SDCBP: variants seen among roughly 807,000 people sequenced by gnomAD.
SDCBP encodes the protein syntenin-1.
In SDCBP, 22 loss-of-function variants were observed where a neutral mutation model predicts 30.5. That is an observed-to-expected ratio of 0.72 (90% confidence interval 0.52 to 1.03). SDCBP has a LOEUF of 1.03. SDCBP is among the 50% of genes least tolerant of loss of function. The pLI is 0.00. For missense variants in SDCBP, 304 were observed against 369.9 expected (o/e 0.82, Z 1.46); for synonymous variants, 103 against 118.7 (o/e 0.87, Z 0.86).
intron 1 of SDCBP, among the ~76,000 whole-genome samples, chr8:58,557,200 TTAA>T (rs1240987603): frequency 3.9e-5 from 5 of 127,138 alleles, no homozygotes; most frequent in Non-Finnish European, 6.2e-5. Context: ...TTATTATATA[TTAA>T]TATTATATTA....
intron 3 of SDCBP, 135 bp from the exon 4 acceptor site, chr8:58,572,070 A>C: frequency 1.7e-6 from 1 of 588,602 alleles, no homozygotes; most frequent in Non-Finnish European, 3.0e-6. Context: ...ATGCCTTTCC[A>C]AATTGCTACT....
intron 1 of SDCBP, among the ~76,000 whole-genome samples, chr8:58,554,351 T>G (rs1287483459): frequency 6.6e-6 from 1 of 152,250 alleles, no homozygotes; most frequent in East Asian, 1.9e-4. Flanking sequence ...TTCAGTCTTT[T>G]TATTTTCCTG....
intron 5 of SDCBP, among the ~76,000 whole-genome samples, chr8:58,576,981 T>C (rs1805374271): frequency 6.6e-6 from 1 of 152,218 alleles, no homozygotes; most frequent in South Asian, 2.1e-4. Context: ...AAAATACATC[T>C]GCGTGCTTAG....
chr8:58,580,375 C>G (rs949770510), intron 7 of SDCBP, 142 bp from the exon 8 acceptor site: 1 of 582,694 alleles, frequency 1.7e-6, no homozygotes, highest in Non-Finnish European at 3.0e-6. Context: ...AAATAGTGTA[C>G]AATTAAACTT....
rs749378649 is a variant in SDCBP, at chr8:58,579,666, C to T, written c.622C>T (p.His208Tyr). The T allele has an allele frequency of 3.1e-6, 5 of 1,610,918 alleles. No individual in the cohort carries two copies. Among genetic ancestry groups the T allele is most frequent in the Non-Finnish European group, 4.2e-6 (5 of 1,179,096 alleles). Residue 208 changes from histidine to tyrosine, a missense_variant, in exon 7 of 9, where the codon CAT becomes TAT. Physicochemically the swap from His to Tyr is moderately conservative, Grantham distance 83. Transcript: ENST00000260130. ...TITMHKDSTG[H>Y]VGFIFKNGKI... ...TACCATGCATAAGGATAGCACTGGACATGTTGGTTTTATCTTTAAAAATGG... is the reference window on the plus strand; with the variant it reads ...TACCATGCATAAGGATAGCACTGGATATGTTGGTTTTATCTTTAAAAATGG...
chr8:58,568,662 T>C (rs1804842140), intron 2 of SDCBP, among the ~76,000 whole-genome samples: 1 of 152,204 alleles, frequency 6.6e-6, no homozygotes, highest in Non-Finnish European at 1.5e-5. Context: ...AGTTGTTCTG[T>C]GTGACGGCAG....
intron 6 of SDCBP, 94 bp downstream of exon 6, chr8:58,578,302 G>A: frequency 1.1e-6 from 1 of 915,040 alleles, no homozygotes; most frequent in East Asian, 2.9e-5. Flanking sequence ...TTTTGTTGCA[G>A]AAAATGATCA....
intron 1 of SDCBP, among the ~76,000 whole-genome samples, chr8:58,559,480 G>GA (rs1804321430): frequency 6.6e-6 from 1 of 152,136 alleles, no homozygotes; most frequent in Non-Finnish European, 1.5e-5. Context: ...TGAACCCAAA[G>GA]AAGATAATTC....
At chr8:58,579,959 C>G (rs977276248) in intron 7 of SDCBP, 165 bp downstream of exon 7, 1 of 539,388 alleles carries the variant, frequency 1.9e-6, no homozygotes, top group African/African-American at 1.9e-5. Flanking sequence ...GGGCTGTCAT[C>G]TAGAACTACA....
intron 1 of SDCBP, chr8:58,561,811 A>G: frequency 1.5e-6 from 1 of 685,074 alleles, no homozygotes; most frequent in Non-Finnish European, 2.6e-6. Context: ...TAAATCACTT[A>G]TTTCTGATAT....
chr8:58,571,379 T>TG (rs1805011522), intron 3 of SDCBP, among the ~76,000 whole-genome samples: 1 of 152,318 alleles, frequency 6.6e-6, no homozygotes, highest in South Asian at 2.1e-4. Context: ...ACCTCCTCTT[T>TG]GGGAAGCCTC....
At chr8:58,557,492 GCA>G (rs1422173935) in intron 1 of SDCBP, among the ~76,000 whole-genome samples, 1 of 133,152 alleles carries the variant, frequency 7.5e-6, no homozygotes, top group Non-Finnish European at 1.5e-5. Context: ...TAATACATAT[GCA>G]CACACACACA....
At chr8:58,561,808 C>A (rs917833282) in intron 1 of SDCBP, 3 of 685,420 alleles carry the variant, frequency 4.4e-6, no homozygotes, top group Admixed American at 2.2e-5. Flanking sequence ...GAGTAAATCA[C>A]TTATTTCTGA....
Position 58,576,901 on chromosome 8 carries a change from C to T in SDCBP, c.402+840C>T. ...GGAGGAGGCTGATCTTGGCAGGAGG[C>T]CCCCGCCCTGCCTGCCCACCCAGGG... On this transcript the variant is annotated intron_variant, in intron 5 of 8. Coordinates refer to ENST00000260130, the MANE Select transcript of SDCBP (RefSeq NM_005625.4). 1.3e-5 allele frequency among the ~76,000 whole-genome samples: 2 copies of T among 152,168 alleles called. 1 individual carries two copies. The highest frequency in any genetic ancestry group is 1.3e-4 in the Admixed American group (2 of 15,272).
intron 4 of SDCBP, 61 bp downstream of exon 4, chr8:58,572,375 C>A: frequency 8.8e-7 from 1 of 1,138,532 alleles, no homozygotes; most frequent in Non-Finnish European, 1.3e-6. Context: ...TTAGTATAAG[C>A]TTTCCTCTTT....
chr8:58,581,100 C>T (rs984391427), intron 8 of SDCBP, among the ~76,000 whole-genome samples: 1 of 152,188 alleles, frequency 6.6e-6, no homozygotes, highest in Admixed American at 6.5e-5. Flanking sequence ...GTGATCAGAA[C>T]TGAAAAGAGG....
intron 1 of SDCBP, among the ~76,000 whole-genome samples, chr8:58,557,286 A>G (rs1339596868): frequency 7.6e-6 from 1 of 131,686 alleles, no homozygotes; most frequent in Non-Finnish European, 1.5e-5. Context: ...TAAAATATTT[A>G]TATTTAGATA....
intron 8 of SDCBP, 57 bp from the exon 9 acceptor site, chr8:58,581,629 C>T (rs1805689075): frequency 3.0e-6 from 4 of 1,314,230 alleles, no homozygotes; most frequent in Non-Finnish European, 4.4e-6. Context: ...ATTAATGTAG[C>T]ATTTTGAAAA....
chr8:58,566,200 C>G (rs1195202686), intron 2 of SDCBP, among the ~76,000 whole-genome samples: 1 of 152,060 alleles, frequency 6.6e-6, no homozygotes, highest in Non-Finnish European at 1.5e-5. Flanking sequence ...AAGCACTTTT[C>G]TTTTTAAAAG....
Sources: allele counts gnomAD v4.1 joint callset (sites outside exome capture counted in the v4.1 genomes callset), GRCh38; gene constraint gnomAD v4.1.1; transcripts MANE v1.5; gene names NCBI Gene and HGNC (gene_info 2026-07-23, HGNC 2026-07-21).